E2F3: variants seen among roughly 807,000 people sequenced by gnomAD.
E2F3 encodes the protein E2F transcription factor 3, also known as transcription factor E2F3.
Under a neutral mutation model 44.4 loss-of-function variants are expected in E2F3, and 11 were observed. The ratio of observed to expected loss-of-function variants is 0.25; its 90% CI spans 0.16 to 0.41. E2F3 has a LOEUF of 0.41. E2F3 is among the 10% of genes least tolerant of loss of function. The probability of loss-of-function intolerance (pLI) is 1.00; values close to 1 mark genes in which losing one functional copy is unlikely to be tolerated. For missense variants in E2F3, 487 were observed against 583.6 expected (o/e 0.83, Z 1.70); for synonymous variants, 249 against 253.0 (o/e 0.98, Z 0.15).
chr6:20,488,717 C>CG (rs1164831529), intron 6 of E2F3, among the ~76,000 whole-genome samples: 1 of 152,072 alleles, frequency 6.6e-6, no homozygotes, highest in Non-Finnish European at 1.5e-5. Flanking sequence ...TAAGTCTTGC[C>CG]GGGTGCGGTG....
At position 20,402,480 on chromosome 6, in the gene E2F3, C is replaced by T. The variant is rs748642087; in HGVS notation, c.248C>T (p.Pro83Leu). Residue 83 changes from proline (P) to leucine (L), a missense_variant, in exon 1 of 7, where the codon CCC becomes CTC. Transcript: ENST00000346618. The surrounding 1 kb of genome is among the most constrained non-coding windows in gnomAD (Gnocchi z 5.6). ...SLQSGAVAAG[P>L]LLPSAPGAEQ... ...CAAAGCGGCGCCGTAGCCGCCGGCC[C>T]CCTCCTCCCCAGTGCCCCCGGCGCG... The T allele has an allele frequency of 6.2e-7, 1 of 1,608,914 alleles. No individual in the cohort carries two copies. Among genetic ancestry groups the T allele is most frequent in the South Asian group, 1.1e-5 (1 of 91,060 alleles).
chr6:20,458,528 C>A (rs1761391410), intron 1 of E2F3, among the ~76,000 whole-genome samples: 1 of 152,100 alleles, frequency 6.6e-6, no homozygotes, highest in Non-Finnish European at 1.5e-5. Flanking sequence ...TGCCGGTGGA[C>A]CTTGGAGATA....
Position 20,482,590 on chromosome 6 carries a change from G to GAAA in E2F3, c.726-164_726-162dup, listed in dbSNP as rs372496935. 2.8e-3 allele frequency among the ~76,000 whole-genome samples: 381 copies of GAAA among 135,612 alleles called. 1 individual carries two copies. The highest frequency in any genetic ancestry group is 0.015 in the East Asian group (69 of 4,668). 89.0% of individuals were successfully genotyped at this position (135,612 alleles called of 152,430 possible). On this transcript the variant is annotated intron_variant, in intron 3 of 6. Transcript: ENST00000346618. ...GTGAAAAGTGCAGAACTGTATTTATGAAAAAAAAAATATATATATATATAT... is the reference window on the plus strand; with the variant it reads ...GTGAAAAGTGCAGAACTGTATTTATGAAAAAAAAAAAAATATATATATATATAT...
chr6:20,419,922 G>A (rs549268814), intron 1 of E2F3, among the ~76,000 whole-genome samples: 20 of 152,316 alleles, frequency 1.3e-4, no homozygotes, highest in Non-Finnish European at 2.5e-4. Context: ...CTGGAGTGCA[G>A]TGGTGCAGTC....
intron 1 of E2F3, among the ~76,000 whole-genome samples, chr6:20,464,079 GC>G (rs1761620294): frequency 6.6e-6 from 1 of 152,178 alleles, no homozygotes; most frequent in Non-Finnish European, 1.5e-5. Flanking sequence ...GAGCTTCCAT[GC>G]CCTCCCCAGG....
intron 1 of E2F3, among the ~76,000 whole-genome samples, chr6:20,429,025 C>T (rs1001181809): frequency 4.6e-5 from 7 of 152,120 alleles, no homozygotes; most frequent in African/African-American, 7.2e-5. Context: ...TTTTGATTTT[C>T]GTAACTGGGA....
At chr6:20,459,130 A>T (rs1049793372) in intron 1 of E2F3, among the ~76,000 whole-genome samples, 1 of 152,122 alleles carries the variant, frequency 6.6e-6, no homozygotes, top group Admixed American at 6.5e-5. Flanking sequence ...GTCTTAGCCT[A>T]GCGTGGTGGC....
chr6:20,459,550 T>G (rs1015791381), intron 1 of E2F3, among the ~76,000 whole-genome samples: 2 of 152,216 alleles, frequency 1.3e-5, no homozygotes, highest in Non-Finnish European at 2.9e-5. Context: ...ATAGAAAATT[T>G]TTTTATCTTA....
chr6:20,444,053 A>G (rs377627287), intron 1 of E2F3, among the ~76,000 whole-genome samples: 11 of 152,124 alleles, frequency 7.2e-5, no homozygotes, highest in Admixed American at 4.6e-4. Flanking sequence ...CTCTACAAAA[A>G]AAAATTAGTC....
intron 1 of E2F3, among the ~76,000 whole-genome samples, chr6:20,474,034 T>C (rs797003057): frequency 5.3e-5 from 8 of 152,158 alleles, no homozygotes; most frequent in African/African-American, 1.9e-4. Context: ...GCAACAAATA[T>C]CAGGCAGGCA....
At chr6:20,403,670 GC>G in intron 1 of E2F3, 3 of 482,062 alleles carry the variant, frequency 6.2e-6, no homozygotes, top group Non-Finnish European at 7.3e-6. Flanking sequence ...CCTCGCACCC[GC>G]CCCCGGCACC....
intron 1 of E2F3, among the ~76,000 whole-genome samples, chr6:20,446,420 A>AG (rs1372462454): frequency 6.6e-6 from 1 of 152,242 alleles, no homozygotes; most frequent in Admixed American, 6.5e-5. Flanking sequence ...CAAAGGCATT[A>AG]GGAGTGCCTA....
intron 1 of E2F3, among the ~76,000 whole-genome samples, chr6:20,466,668 A>T (rs1212949566): frequency 1.4e-5 from 2 of 144,766 alleles, no homozygotes; most frequent in African/African-American, 2.5e-5. Context: ...CCTCTGTTTC[A>T]TCCCTATCGG....
At chr6:20,448,247 A>T (rs1490764329) in intron 1 of E2F3, among the ~76,000 whole-genome samples, 1 of 152,144 alleles carries the variant, frequency 6.6e-6, no homozygotes, top group Non-Finnish European at 1.5e-5. Flanking sequence ...CAGAGAAATA[A>T]TCAGCTCTCC....
At chr6:20,407,152 G>A (rs1395493991) in intron 1 of E2F3, among the ~76,000 whole-genome samples, 2 of 152,120 alleles carry the variant, frequency 1.3e-5, no homozygotes, top group Non-Finnish European at 2.9e-5. Flanking sequence ...GGTTCCTGTG[G>A]TTCTATACTC....
chr6:20,402,041 GC>G lies in E2F3; in HGVS notation c.-188del, dbSNP rs1247626028. 1.0e-6 allele frequency: 1 copy of G among 997,244 alleles called. No individual in the cohort carries two copies. Among genetic ancestry groups the G allele is most frequent in the African/African-American group, 1.7e-5 (1 of 57,584 alleles). The allele number at this position is 997,244 out of a possible 1,614,324, so 61.8% of individuals were successfully genotyped here. A position where few individuals can be genotyped will look rare whatever the true frequency, so the allele number is the denominator to read the frequency against. The stretch of plus-strand genomic sequence containing the variant: ...CGGCCGGGACCCTCCTCTCTCCAGA[GC>G]CCCGATTATTTTTGGCCCCCGGGGC... On this transcript the variant is annotated 5_prime_UTR_variant, in exon 1 of 7. Coordinates refer to ENST00000346618, the MANE Select transcript of E2F3 (RefSeq NM_001949.5). The surrounding 1 kb of genome is among the most constrained non-coding windows in gnomAD (Gnocchi z 5.6).
chr6:20,462,268 T>C (rs952172692), intron 1 of E2F3, among the ~76,000 whole-genome samples: 2 of 152,190 alleles, frequency 1.3e-5, no homozygotes, highest in Non-Finnish European at 2.9e-5. Context: ...GAGTTTTGTA[T>C]GTAGTTTGAG....
chr6:20,479,979 T>G, intron 2 of E2F3, 22 bp downstream of exon 2: 1 of 1,577,882 alleles, frequency 6.3e-7, no homozygotes, highest in Non-Finnish European at 8.6e-7. Flanking sequence ...TTCATCTCTT[T>G]CCTTATTCTC....
intron 1 of E2F3, chr6:20,421,928 G>A (rs1760042729): frequency 6.6e-6 from 1 of 152,194 alleles, no homozygotes; most frequent in South Asian, 2.1e-4. Context: ...TTTTTGAAAT[G>A]GTAAACGATC....
Sources: gnomAD v4.1 joint callset for allele counts (sites outside exome capture counted in the v4.1 genomes callset) on GRCh38, gnomAD v4.1.1 for gene constraint, Gnocchi (gnomAD v3.1) non-coding constraint, MANE v1.5 for transcripts, NCBI Gene and HGNC (gene_info 2026-07-23, HGNC 2026-07-21) for gene names.